The following GMDS variants were observed in gnomAD, a reference collection of about 807,000 sequenced individuals.
The protein encoded by GMDS is GDP-mannose 4,6-dehydratase.
Under a neutral mutation model 49.9 loss-of-function variants are expected in GMDS, and 20 were observed. That is an observed-to-expected ratio of 0.40 (90% confidence interval 0.28 to 0.58). The LOEUF is 0.58. Ranked by LOEUF, GMDS falls within the 20% of genes least tolerant of loss-of-function variation. GMDS has a pLI of 0.42. For missense variants in GMDS, 362 were observed against 481.4 expected (o/e 0.75, Z 2.32); for synonymous variants, 177 against 178.6 (o/e 0.99, Z 0.07).
rs142687101 is a variant in GMDS, at chr6:2,221,034, G to A, written c.102+24287C>T. ...TATACAGAAATTTTTTAATTAGCCA[G>A]GCATGGTAATGTACACCTGTAGTAC... On this transcript the variant is annotated intron_variant, in intron 1 of 10. Coordinates refer to ENST00000380815, the MANE Select transcript of GMDS (RefSeq NM_001500.4). 3.3e-3 allele frequency among the ~76,000 whole-genome samples: 504 copies of A among 152,204 alleles called. 3 individuals are homozygous for A. Among genetic ancestry groups the A allele is most frequent in the African/African-American group, 0.012 (485 of 41,518 alleles).
chr6:1,682,573 T>TACTGACATTTTAA (rs1433242994), intron 9 of GMDS, among the ~76,000 whole-genome samples: 12 of 2,412 alleles, frequency 5.0e-3, no homozygotes, highest in South Asian at 0.031. Flanking sequence ...TTTTTTTTTT[T>TACTGACATTTTAA]TTTTTTTTTT....
At chr6:1,728,239 T>A (rs1002124747) in intron 8 of GMDS, among the ~76,000 whole-genome samples, 16 of 152,224 alleles carry the variant, frequency 1.1e-4, no homozygotes, top group African/African-American at 1.4e-4. Context: ...TTATTTTTTT[T>A]AAATAACTAT....
chr6:1,861,901 A>G (rs1051125447), intron 7 of GMDS, among the ~76,000 whole-genome samples: 3 of 152,244 alleles, frequency 2.0e-5, no homozygotes, highest in Admixed American at 2.0e-4. Flanking sequence ...AATACATTTT[A>G]TCTGTTGCAC....
chr6:1,745,193 T>G (rs1455047127), intron 7 of GMDS, among the ~76,000 whole-genome samples: 1 of 152,268 alleles, frequency 6.6e-6, no homozygotes, highest in Non-Finnish European at 1.5e-5. Flanking sequence ...TCAGGGCCAC[T>G]CAGCTTATTT....
At chr6:1,988,529 C>T (rs1279862770) in intron 4 of GMDS, among the ~76,000 whole-genome samples, 1 of 152,068 alleles carries the variant, frequency 6.6e-6, no homozygotes, top group South Asian at 2.1e-4. Flanking sequence ...GGCTCCCTAT[C>T]CAGCTCACCC....
chr6:2,172,187 C>A (rs888534419), intron 1 of GMDS, among the ~76,000 whole-genome samples: 37 of 152,094 alleles, frequency 2.4e-4, no homozygotes, highest in African/African-American at 8.7e-4. Context: ...ATATTAAAGA[C>A]AAAGTCTCTC....
intron 4 of GMDS, among the ~76,000 whole-genome samples, chr6:2,058,676 G>C (rs1033743032): frequency 1.3e-5 from 2 of 152,264 alleles, no homozygotes; most frequent in African/African-American, 4.8e-5. Flanking sequence ...CAAAGTCTAA[G>C]CGTGGAAGTC....
chr6:2,232,714 T>C (rs1318393751), intron 1 of GMDS, among the ~76,000 whole-genome samples: 2 of 152,098 alleles, frequency 1.3e-5, no homozygotes, highest in African/African-American at 4.8e-5. Context: ...GCGGAACAGC[T>C]CTCAGAGAAC....
chr6:2,214,138 A>G (rs1780207221), intron 1 of GMDS, among the ~76,000 whole-genome samples: 2 of 152,246 alleles, frequency 1.3e-5, no homozygotes, highest in Admixed American at 6.5e-5. Context: ...CAATAGGACA[A>G]CAAGCTTCAA....
intron 1 of GMDS, among the ~76,000 whole-genome samples, chr6:2,155,984 G>C (rs1484688555): frequency 6.6e-6 from 1 of 151,568 alleles, no homozygotes; most frequent in African/African-American, 2.4e-5. Flanking sequence ...AATTTAAATC[G>C]CTCATTGTTT....
chr6:2,095,774 T>C lies in GMDS; in HGVS notation c.345+19997A>G, dbSNP rs571141238. 2.6e-5 allele frequency among the ~76,000 whole-genome samples: 4 copies of C among 152,346 alleles called. No homozygotes were observed. In the South Asian group the frequency reaches 8.3e-4, roughly 32 times the overall value. Reference sequence around the variant, plus strand: ...ATTTGAACATAAACTCAATCTAGCATATAAACCCTTTCAATGATATATCTA... The same window carrying C: ...ATTTGAACATAAACTCAATCTAGCACATAAACCCTTTCAATGATATATCTA... On this transcript the variant is annotated intron_variant, in intron 4 of 10. Coordinates refer to ENST00000380815, the MANE Select transcript of GMDS (RefSeq NM_001500.4).
At chr6:1,624,431 G>A in intron 10 of GMDS, 41 bp downstream of exon 10, 2 of 1,564,122 alleles carry the variant, frequency 1.3e-6, no homozygotes, top group Non-Finnish European at 8.8e-7. Context: ...CTGCAGCCCG[G>A]GGCCCCGCAG....
At chr6:1,663,614 G>A (rs1764151909) in intron 9 of GMDS, among the ~76,000 whole-genome samples, 1 of 152,120 alleles carries the variant, frequency 6.6e-6, no homozygotes, top group Admixed American at 6.6e-5. Flanking sequence ...TTATGTGACT[G>A]CTTGTGGCTA....
rs547909723 is a variant in GMDS at position 2,045,533 on chromosome 6, T to A, written c.345+70238A>T. On this transcript the variant is annotated intron_variant, in intron 4 of 10. Coordinates refer to ENST00000380815, the MANE Select transcript of GMDS (RefSeq NM_001500.4). ...AATCCATTCTCAAAGTTTCAGTTTA[T>A]TTTTTTAATACAAAAAGTTAAAAGG... Among the ~76,000 whole-genome samples the A allele has an allele frequency of 6.2e-4, 94 of 152,266 alleles. 4 individuals are homozygous for A. The South Asian group carries it at 0.019, about 31-fold the overall frequency.
At chr6:2,061,709 ACT>A (rs1194792369) in intron 4 of GMDS, among the ~76,000 whole-genome samples, 2 of 113,068 alleles carry the variant, frequency 1.8e-5, no homozygotes, top group Admixed American at 1.2e-4. Context: ...ACAGTGCAAG[ACT>A]CTGTCTCAAA....
intron 1 of GMDS, among the ~76,000 whole-genome samples, chr6:2,142,212 A>G (rs973820620): frequency 3.9e-5 from 6 of 152,212 alleles, no homozygotes; most frequent in African/African-American, 1.4e-4. Flanking sequence ...AGCTGTTTAA[A>G]TAACAATAAC....
At chr6:2,175,593 C>A (rs1295283246) in intron 1 of GMDS, among the ~76,000 whole-genome samples, 1 of 152,126 alleles carries the variant, frequency 6.6e-6, no homozygotes, top group Non-Finnish European at 1.5e-5. Flanking sequence ...CAATGAATTG[C>A]CCCTCTCCAA....
chr6:1,972,666 T>C (rs1764688229), intron 4 of GMDS, among the ~76,000 whole-genome samples: 1 of 152,222 alleles, frequency 6.6e-6, no homozygotes, highest in South Asian at 2.1e-4. Context: ...CTATTTTGAA[T>C]GTAAGCCACA....
rs141155615 is a variant in GMDS, at chr6:2,191,634, C to T, written c.102+53687G>A. On this transcript the variant is annotated intron_variant, in intron 1 of 10. Transcript: ENST00000380815. The surrounding 1 kb of genome is among the most constrained non-coding windows in gnomAD (Gnocchi z 4.6). Reference sequence around the variant, plus strand: ...ATGGGGTTGGGGCCAAGCCGGGGAGCTGTCACAGCCCAGCCAGGTATGTGA... The same window carrying T: ...ATGGGGTTGGGGCCAAGCCGGGGAGTTGTCACAGCCCAGCCAGGTATGTGA... 5.7e-3 allele frequency among the ~76,000 whole-genome samples: 863 copies of T among 152,344 alleles called. 2 individuals carry two copies. The highest frequency in any genetic ancestry group is 0.017 in the Middle Eastern group (5 of 294).
Sources: gnomAD v4.1 joint callset for allele counts (sites outside exome capture counted in the v4.1 genomes callset) on GRCh38, gnomAD v4.1.1 for gene constraint, Gnocchi (gnomAD v3.1) non-coding constraint, MANE v1.5 for transcripts, NCBI Gene and HGNC (gene_info 2026-07-23, HGNC 2026-07-21) for gene names.